The following SLC32A1 variants were observed in gnomAD, a reference collection of about 807,000 sequenced individuals.
SLC32A1 encodes vesicular inhibitory amino acid transporter.
Under a neutral mutation model 35.5 loss-of-function variants are expected in SLC32A1, and 8 were observed. The ratio of observed to expected loss-of-function variants is 0.23; its 90% CI spans 0.13 to 0.41. The LOEUF is 0.41. Ranked by LOEUF, SLC32A1 falls within the 10% of genes least tolerant of loss-of-function variation. SLC32A1 has a pLI of 1.00. For synonymous variants in SLC32A1, 317 were observed against 326.3 expected (o/e 0.97, Z 0.31); for missense variants, 493 against 722.3 (o/e 0.68, Z 3.64).
rs780498486 is a variant in SLC32A1, at chr20:38,728,318, G to T, written c.1257G>T (p.Pro419=). ...AGGAAGGCAGCCGCGCCTTTTTCCC[G>T]GCCTGCTACAGCGGCGACGGGCGCC... is the stretch of plus-strand genomic sequence containing the variant. ...LFQEGSRAFF[P]ACYSGDGRLK... The change falls in exon 2 of 2, where the codon CCG becomes CCT. Residue 419 remains proline (P), a synonymous_variant. Transcript: ENST00000217420. The T allele has an allele frequency of 1.2e-4, 200 of 1,613,484 alleles. 2 individuals carry two copies. The highest frequency in any genetic ancestry group is 1.3e-5 in the African/African-American group (1 of 74,936).
chr20:38,728,491 ACCTGCG>A lies in SLC32A1; in HGVS notation c.1436_1441del (p.Arg479_Leu480del). The A allele has an allele frequency of 6.2e-7, 1 of 1,613,134 alleles. No homozygotes were observed. Among genetic ancestry groups the A allele is most frequent in the Non-Finnish European group, 8.5e-7 (1 of 1,179,930 alleles). On this transcript the variant is annotated inframe_deletion, in exon 2 of 2. Coordinates refer to ENST00000217420, the MANE Select transcript of SLC32A1 (RefSeq NM_080552.3). ...TGTTTCTTGCTGCCCAGCCTCTTTC[ACCTGCG>A]CCTGCTCTGGCGCAAGCTGCTGTGG...
Position 38,724,719 on chromosome 20 carries a change from G to A in SLC32A1, c.-6G>A, listed in dbSNP as rs767654520. 4 of 1,594,980 alleles carry A rather than the reference G, an allele frequency of 2.5e-6. No individual in the cohort carries two copies. The highest frequency in any genetic ancestry group is 1.1e-5 in the South Asian group (1 of 88,232). On this transcript the variant is annotated 5_prime_UTR_variant, in exon 1 of 2. Transcript: ENST00000217420. ...TTCTGTCCTTTCCGCTGTCCCCACCGCCGCCATGGCCACCTTGCTCCGCAG... is the reference window on the plus strand; with the variant it reads ...TTCTGTCCTTTCCGCTGTCCCCACCACCGCCATGGCCACCTTGCTCCGCAG...
chr20:38,728,423 G>A lies in SLC32A1; in HGVS notation c.1362G>A (p.Ala454=), dbSNP rs903543538. ...LLMAIYVPHF[A]LLMGLTGSLT... Reference sequence around the variant, plus strand: ...TGGCCATTTATGTGCCGCACTTCGCGCTGCTCATGGGCCTCACCGGCAGCC... The same window carrying A: ...TGGCCATTTATGTGCCGCACTTCGCACTGCTCATGGGCCTCACCGGCAGCC... Residue 454 remains alanine (A), a synonymous_variant, in exon 2 of 2, where the codon GCG becomes GCA. Transcript: ENST00000217420. 4.3e-6 allele frequency: 7 copies of A among 1,610,490 alleles called. No individual in the cohort carries two copies. Among genetic ancestry groups the A allele is most frequent in the African/African-American group, 4.0e-5 (3 of 74,796 alleles).
Position 38,724,974 on chromosome 20 carries a change from C to A in SLC32A1, c.250C>A (p.His84Asn). 1.9e-6 allele frequency: 3 copies of A among 1,598,988 alleles called. No homozygotes were observed. The highest frequency in any genetic ancestry group is 2.6e-6 in the Non-Finnish European group (3 of 1,172,042). ...TGAAGCGCCCGTCGAGGGAGACATC[C>A]ATTATCAGCGAGGCAGCGGAGCTCC... ...GAEAPVEGDI[H>N]YQRGSGAPLP... Residue 84 changes from histidine (H) to asparagine (N), a missense_variant, in exon 1 of 2, where the codon CAT (histidine) becomes AAT (asparagine). Physicochemically the swap from His to Asn is moderately conservative, Grantham distance 68 (BLOSUM62 1). Coordinates refer to ENST00000217420, the MANE Select transcript of SLC32A1 (RefSeq NM_080552.3).
rs200539673 is a variant in SLC32A1, at chr20:38,724,699, T to C, written c.-26T>C. 1.4e-4 allele frequency: 221 copies of C among 1,575,320 alleles called. 3 individuals are homozygous for C. Among genetic ancestry groups the C allele is most frequent in the South Asian group, 7.4e-4 (63 of 84,628 alleles). ...TTCCCCGCATCCTCGGGTCCTTCTG[T>C]CCTTTCCGCTGTCCCCACCGCCGCC... On this transcript the variant is annotated 5_prime_UTR_variant, in exon 1 of 2. Transcript: ENST00000217420.
In SLC32A1 at chr20:38,727,517, C is replaced by A; in HGVS notation, c.456C>A (p.Ile152=). Residue 152 remains isoleucine, a synonymous_variant, in exon 2 of 2, where the codon ATC becomes ATA. Transcript: ENST00000217420. ...GCGGCTACCTGGGGTTGTTTCTCAT[C>A]ATCTTCGCCGCCGTTGTGTGCTGCT... is the stretch of plus-strand genomic sequence containing the variant. ...LHGGYLGLFL[I]IFAAVVCCYT... is the part of the protein sequence containing the mutation. 2 of 1,609,166 alleles carry A rather than the reference C, an allele frequency of 1.2e-6. No individual in the cohort carries two copies. Among genetic ancestry groups the A allele is most frequent in the Non-Finnish European group, 1.7e-6 (2 of 1,180,014 alleles).
In SLC32A1 at chr20:38,724,757, C is replaced by A; in HGVS notation, c.33C>A (p.Asn11Lys). The change falls in exon 1 of 2, where the codon AAC becomes AAA. Residue 11 changes from asparagine to lysine, a missense_variant. Coordinates refer to ENST00000217420, the MANE Select transcript of SLC32A1 (RefSeq NM_080552.3). Reference protein sequence around the residue: MATLLRSKLSNVATSVSNKSQ... With the variant: MATLLRSKLSKVATSVSNKSQ... ...CCTTGCTCCGCAGCAAGCTGTCCAA[C>A]GTGGCCACGTCCGTGTCCAACAAGT... 3.1e-6 allele frequency: 5 copies of A among 1,613,122 alleles called. No homozygotes were observed. The highest frequency in any genetic ancestry group is 4.2e-6 in the Non-Finnish European group (5 of 1,179,846).
chr20:38,728,303 C>A lies in SLC32A1; in HGVS notation c.1242C>A (p.Ser414Arg), dbSNP rs764534852. 7 of 1,613,668 alleles carry A rather than the reference C, an allele frequency of 4.3e-6. No individual in the cohort carries two copies. The highest frequency in any genetic ancestry group is 1.7e-4 in the Middle Eastern group (1 of 6,060). ...AGAAGTCGCTCTTCCAGGAAGGCAG[C>A]CGCGCCTTTTTCCCGGCCTGCTACA... is the stretch of plus-strand genomic sequence containing the variant. ...VLEKSLFQEG[S>R]RAFFPACYSG... Residue 414 changes from serine (S) to arginine (R), a missense_variant, in exon 2 of 2, where the codon AGC (serine) becomes AGA (arginine). This residue lies in a region of SLC32A1 where 269 missense variants were observed against 445.6 expected (regional missense o/e 0.60). Coordinates refer to ENST00000217420, the MANE Select transcript of SLC32A1 (RefSeq NM_080552.3).
rs2084266816 is a variant in SLC32A1 at position 38,724,572 on chromosome 20, C to T, written c.-153C>T. On this transcript the variant is annotated 5_prime_UTR_variant, in exon 1 of 2. Transcript: ENST00000217420. ...TCCAGCCCTGAGAGAGCCTCGAACG[C>T]CAGCTGCGAGGGTCATGAGCCAGAG... The T allele has an allele frequency of 2.1e-6, 2 of 966,336 alleles. No individual in the cohort carries two copies. The highest frequency in any genetic ancestry group is 1.5e-6 in the Non-Finnish European group (1 of 672,540). 59.9% of individuals were successfully genotyped at this position (966,336 alleles called of 1,614,324 possible).
rs1046173701 is a variant in SLC32A1, at chr20:38,726,645, C to T, written c.391-807C>T. 9.2e-5 allele frequency among the ~76,000 whole-genome samples: 14 copies of T among 152,184 alleles called. No homozygotes were observed. ...CTTTCTGGCCTCCCTGGCGCCTTCC[C>T]GCCAAGCTCCTCCTCCTGCTTGCCT... On this transcript the variant is annotated intron_variant, in intron 1 of 1. Transcript: ENST00000217420. The surrounding 1 kb of genome is among the most constrained non-coding windows in gnomAD (Gnocchi z 4.7).
intron 1 of SLC32A1, 84 bp downstream of exon 1, chr20:38,725,198 A>G: frequency 6.8e-7 from 1 of 1,464,568 alleles, no homozygotes; most frequent in Non-Finnish European, 9.1e-7. Flanking sequence ...TCGCCCGGTG[A>G]TCTCGGCCTG....
In SLC32A1 at chr20:38,727,535, G is replaced by A. The variant is rs1169272686; in HGVS notation, c.474G>A (p.Val158=). ...GLFLIIFAAV[V]CCYTGKILIA... is the part of the protein sequence containing the mutation. ...TTCTCATCATCTTCGCCGCCGTTGT[G>A]TGCTGCTACACCGGCAAGATCCTCA... Residue 158 remains valine, a synonymous_variant, in exon 2 of 2, where the codon GTG becomes GTA. Coordinates refer to ENST00000217420, the MANE Select transcript of SLC32A1 (RefSeq NM_080552.3). The A allele has an allele frequency of 6.2e-7, 1 of 1,609,424 alleles. No individual in the cohort carries two copies. The highest frequency in any genetic ancestry group is 2.2e-5 in the East Asian group (1 of 44,890).
Position 38,724,819 on chromosome 20 carries a change from G to T in SLC32A1, c.95G>T (p.Gly32Val), listed in dbSNP as rs2084268149. The T allele has an allele frequency of 1.2e-6, 2 of 1,613,894 alleles. No individual in the cohort carries two copies. The highest frequency in any genetic ancestry group is 3.3e-5 in the Admixed American group (2 of 60,010). The change falls in exon 1 of 2, where the codon GGT (glycine) becomes GTT (valine). Residue 32 changes from glycine to valine, a missense_variant. By Grantham distance (109) the Gly-to-Val change is moderately radical. Transcript: ENST00000217420. ...AKMSGMFARM[G>V]FQAATDEEAV... The stretch of plus-strand genomic sequence containing the variant: ...ATGAGCGGCATGTTCGCCAGGATGG[G>T]TTTTCAGGCGGCCACGGATGAGGAG...
intron 1 of SLC32A1, among the ~76,000 whole-genome samples, chr20:38,725,513 G>A (rs531247158): frequency 1.3e-5 from 2 of 152,248 alleles, no homozygotes; most frequent in South Asian, 4.1e-4. Context: ...AGAAGAAGGG[G>A]AAATCGCTGA....
At chr20:38,725,458 G>T (rs2084271848) in intron 1 of SLC32A1, among the ~76,000 whole-genome samples, 2 of 152,234 alleles carry the variant, frequency 1.3e-5, no homozygotes, top group Non-Finnish European at 2.9e-5. Context: ...GCACGGTTTG[G>T]TCTTGGACTC....
Position 38,728,460 on chromosome 20 carries a change from G to A in SLC32A1, c.1399G>A (p.Gly467Ser). 15 of 1,612,550 alleles carry A rather than the reference G, an allele frequency of 9.3e-6. No individual in the cohort carries two copies. The highest frequency in any genetic ancestry group is 1.3e-5 in the Non-Finnish European group (15 of 1,179,730). ...CCTCACCGGCAGCCTCACGGGCGCC[G>A]GCCTCTGTTTCTTGCTGCCCAGCCT... ...MGLTGSLTGA[G>S]LCFLLPSLFH... Residue 467 changes from glycine (G) to serine (S), a missense_variant, in exon 2 of 2, where the codon GGC becomes AGC. This residue lies in a region of SLC32A1 where 269 missense variants were observed against 445.6 expected (regional missense o/e 0.60). Coordinates refer to ENST00000217420, the MANE Select transcript of SLC32A1 (RefSeq NM_080552.3).
In SLC32A1 at chr20:38,728,638, AG is replaced by A. The variant is rs1282319049; in HGVS notation, c.*2del. ...GCCTACCGAACCAACGCGGAGGACT[AG>A]GGCGCAAGGGCGAGCCCCCGCCGCG... is the stretch of plus-strand genomic sequence containing the variant. ...IEAYRTNAED* is the reference protein window; with the variant it reads ...IEAYRTNAEDX On this transcript the variant is annotated frameshift_variant and stop_lost, in exon 2 of 2. Transcript: ENST00000217420. LOFTEE classifies it high-confidence loss of function. The A allele has an allele frequency of 5.0e-6, 8 of 1,584,792 alleles. No individual in the cohort carries two copies. Among genetic ancestry groups the A allele is most frequent in the Admixed American group, 1.8e-5 (1 of 56,564 alleles).
Position 38,728,900 on chromosome 20 carries a change from G to T in SLC32A1, c.*261G>T. On this transcript the variant is annotated 3_prime_UTR_variant, in exon 2 of 2. Coordinates refer to ENST00000217420, the MANE Select transcript of SLC32A1 (RefSeq NM_080552.3). ...GAGGCGGGGTGCATTTGCGGGCAGG[G>T]TTCTCTGTCCTTCCAAGTGGGGCCC... 2.1e-6 allele frequency: 1 copy of T among 474,816 alleles called. No individual in the cohort carries two copies. The highest frequency in any genetic ancestry group is 3.7e-6 in the Non-Finnish European group (1 of 269,334). The allele number at this position is 474,816 out of a possible 1,614,324, so 29.4% of individuals were successfully genotyped here. A position where few individuals can be genotyped will look rare whatever the true frequency, so the allele number is the denominator to read the frequency against.
In SLC32A1 at chr20:38,727,688, G is replaced by C. The variant is rs1180204726; in HGVS notation, c.627G>C (p.Ala209=). Residue 209 remains alanine, a synonymous_variant, in exon 2 of 2, where the codon GCG becomes GCC. Transcript: ENST00000217420. ...PTLGGRVVNV[A]QIIELVMTCI... ...TGGGCGGCCGAGTGGTGAACGTAGC[G>C]CAGATCATCGAGCTGGTGATGACGT... 5.6e-6 allele frequency: 9 copies of C among 1,614,086 alleles called. No homozygotes were observed. The African/African-American group carries it at 1.1e-4, about 19-fold the overall frequency.
Sources: allele counts gnomAD v4.1 joint callset (sites outside exome capture counted in the v4.1 genomes callset), GRCh38; gene constraint gnomAD v4.1.1; regional missense constraint gnomAD v4.1.1; non-coding constraint Gnocchi (gnomAD v3.1); transcripts MANE v1.5; gene names NCBI Gene and HGNC (gene_info 2026-07-23, HGNC 2026-07-21).